GTF2I: variants seen among roughly 807,000 people sequenced by gnomAD.
The protein encoded by GTF2I is general transcription factor II-I.
A neutral mutation model predicts 67.6 loss-of-function variants in GTF2I; 12 were observed. That is an observed-to-expected ratio of 0.18 (90% CI 0.11 to 0.29). The LOEUF is 0.29. Ranked by LOEUF, GTF2I falls within the 10% of genes least tolerant of loss-of-function variation. The pLI, the probability that GTF2I is intolerant of heterozygous loss-of-function variation, is 1.00. For missense variants in GTF2I, 271 were observed against 580.1 expected, an observed-to-expected ratio of 0.47 and a Z score of 5.47; for synonymous variants, 149 against 197.0, an observed-to-expected ratio of 0.76 and a Z score of 2.04.
At chr7:74,695,830 A>G (rs1471346263) in intron 3 of GTF2I, among the ~76,000 whole-genome samples, 3 of 151,912 alleles carry the variant, frequency 2.0e-5, no homozygotes, top group Admixed American at 1.3e-4. Flanking sequence ...TGTCTGCCCC[A>G]CCAATACCAT....
chr7:74,689,500 G>A (rs587718246), intron 2 of GTF2I, among the ~76,000 whole-genome samples: 17 of 151,212 alleles, frequency 1.1e-4, no homozygotes, highest in Admixed American at 4.6e-4. Flanking sequence ...GATTACAGGC[G>A]CCTGCCACCA....
intron 12 of GTF2I, chr7:74,726,933 TAGATAGATAGAA>T (rs1339727490): frequency 1.1e-4 from 16 of 150,672 alleles, no homozygotes; most frequent in Non-Finnish European, 1.5e-4. Context: ...GATAGATAGA[TAGATAGATAGAA>T]AGAATGAGAC....
At chr7:74,686,894 T>TA (rs1787787504) in intron 1 of GTF2I, among the ~76,000 whole-genome samples, 1 of 151,518 alleles carries the variant, frequency 6.6e-6, no homozygotes, top group African/African-American at 2.4e-5. Context: ...GTTTTGTTTT[T>TA]GTTTTTTTTT....
intron 1 of GTF2I, among the ~76,000 whole-genome samples, chr7:74,673,021 C>T (rs1340062365): frequency 1.3e-5 from 2 of 151,826 alleles, no homozygotes; most frequent in African/African-American, 4.8e-5. Flanking sequence ...CCACCACGCC[C>T]GGCTAATTTT....
chr7:74,684,410 C>T (rs1435605479), intron 1 of GTF2I, among the ~76,000 whole-genome samples: 15 of 152,274 alleles, frequency 9.9e-5, no homozygotes, highest in Middle Eastern at 3.4e-3. Context: ...CTGTGGGGAC[C>T]GGTGCATCAG....
chr7:74,707,344 C>T (rs1790871690), intron 8 of GTF2I, among the ~76,000 whole-genome samples: 1 of 152,190 alleles, frequency 6.6e-6, no homozygotes, highest in Non-Finnish European at 1.5e-5. Flanking sequence ...CCCCTCATCT[C>T]CCTCTGTCTG....
intron 1 of GTF2I, among the ~76,000 whole-genome samples, chr7:74,684,158 A>T (rs148848907): frequency 1.3e-5 from 2 of 152,278 alleles, no homozygotes; most frequent in East Asian, 3.9e-4. Context: ...TGTGTAGTCC[A>T]TGTTGCCTGC....
intron 1 of GTF2I, among the ~76,000 whole-genome samples, chr7:74,661,026 A>T (rs904458049): frequency 1.3e-5 from 2 of 152,118 alleles, no homozygotes; most frequent in Non-Finnish European, 2.9e-5. Context: ...AATCTTTGTG[A>T]CAAGTCTGTA....
At chr7:74,705,669 C>G (rs587670094) in intron 7 of GTF2I, among the ~76,000 whole-genome samples, 1 of 151,774 alleles carries the variant, frequency 6.6e-6, no homozygotes, top group African/African-American at 2.4e-5. Context: ...TCAAGCGATT[C>G]TCCTGCCTCA....
In GTF2I at chr7:74,700,315, G is replaced by A. The variant is rs782411031; in HGVS notation, c.442G>A (p.Val148Met). The A allele has an allele frequency of 2.5e-6, 4 of 1,614,162 alleles. No individual in the cohort carries two copies. The highest frequency in any genetic ancestry group is 3.4e-6 in the Non-Finnish European group (4 of 1,180,034). The change falls in exon 5 of 35, where the codon GTG (valine) becomes ATG (methionine). Residue 148 changes from valine to methionine, a missense_variant. This residue lies in a region of GTF2I where 38 missense variants were observed against 87.8 expected (regional missense o/e 0.43). Coordinates refer to ENST00000573035, the MANE Select transcript of GTF2I (RefSeq NM_032999.4). ...YEKMLRDQSA[V>M]VVQGLPEGVA... ...GAAGATGCTGCGAGACCAGTCGGCT[G>A]TGGTAGTGCAGGGGCTTCCGGAAGG... is the stretch of plus-strand genomic sequence containing the variant.
At chr7:74,666,101 C>T (rs587609755) in intron 1 of GTF2I, among the ~76,000 whole-genome samples, 3 of 152,270 alleles carry the variant, frequency 2.0e-5, no homozygotes, top group South Asian at 4.1e-4. Flanking sequence ...TCTCAGCCTC[C>T]CAAAGTGCTG....
At chr7:74,677,590 TG>T (rs1162467692) in intron 1 of GTF2I, among the ~76,000 whole-genome samples, 2 of 151,676 alleles carry the variant, frequency 1.3e-5, no homozygotes, top group Non-Finnish European at 2.9e-5. Context: ...AAGACCAGCC[TG>T]GCCAACATGC....
At chr7:74,717,953 T>G (rs1383044895) in intron 11 of GTF2I, among the ~76,000 whole-genome samples, 5 of 152,200 alleles carry the variant, frequency 3.3e-5, no homozygotes, top group African/African-American at 1.2e-4. Context: ...GTGAATGTTG[T>G]ATGCTTTACT....
intron 1 of GTF2I, among the ~76,000 whole-genome samples, chr7:74,658,374 C>A (rs1554384662): frequency 2.1e-5 from 3 of 145,902 alleles, no homozygotes; most frequent in African/African-American, 7.4e-5. Context: ...CGCCTCAGTG[C>A]GCGTGGGGGA....
intron 12 of GTF2I, among the ~76,000 whole-genome samples, chr7:74,726,260 T>A (rs1554405654): frequency 6.6e-6 from 1 of 152,236 alleles, no homozygotes; most frequent in African/African-American, 2.4e-5. Flanking sequence ...TTATAATGCT[T>A]TGACAGTATT....
At chr7:74,750,163 G>A (rs1554409725) in intron 26 of GTF2I, among the ~76,000 whole-genome samples, 5 of 90,962 alleles carry the variant, frequency 5.5e-5, no homozygotes, top group South Asian at 1.1e-3. Flanking sequence ...GGAATGGGCC[G>A]GGTGCGGCCA....
chr7:74,673,469 C>T (rs1464749958), intron 1 of GTF2I, among the ~76,000 whole-genome samples: 1 of 152,036 alleles, frequency 6.6e-6, no homozygotes, highest in African/African-American at 2.4e-5. Flanking sequence ...GCAACCTCTG[C>T]CCCTCAGGTT....
chr7:74,758,055 CT>C (rs1489297801), intron 33 of GTF2I, 55 bp downstream of exon 33: 12,656 of 124,922 alleles, frequency 0.1, no homozygotes, highest in South Asian at 0.25. Context: ...TCTTCTTCTT[CT>C]TTTTTTTTTT....
intron 8 of GTF2I, among the ~76,000 whole-genome samples, chr7:74,707,058 C>T (rs951989845): frequency 3.3e-5 from 5 of 152,198 alleles, no homozygotes; most frequent in African/African-American, 1.2e-4. Flanking sequence ...CCAGGTTGGC[C>T]TGGCTGGTCT....
Sources: gnomAD v4.1 joint callset for allele counts (sites outside exome capture counted in the v4.1 genomes callset) on GRCh38, gnomAD v4.1.1 for gene constraint, gnomAD v4.1.1 regional missense constraint, MANE v1.5 for transcripts, NCBI Gene and HGNC (gene_info 2026-07-23, HGNC 2026-07-21) for gene names.